The following HS3ST4 variants were observed in gnomAD, a reference collection of about 807,000 sequenced individuals.
The protein encoded by HS3ST4 is heparan sulfate glucosamine 3-O-sulfotransferase 4.
In HS3ST4, 17 loss-of-function variants were observed where a neutral mutation model predicts 29.2. That is an observed-to-expected ratio of 0.58 (90% CI 0.40 to 0.87). HS3ST4 has a LOEUF of 0.87. Ranked by LOEUF, HS3ST4 falls within the 40% of genes least tolerant of loss-of-function variation. The pLI, the probability that HS3ST4 is intolerant of heterozygous loss-of-function variation, is 0.00. For synonymous variants in HS3ST4, 314 were observed against 285.7 expected (o/e 1.10, Z -1.00); for missense variants, 627 against 634.5 (o/e 0.99, Z 0.13).
At chr16:26,015,779 G>A (rs986345585) in intron 1 of HS3ST4, among the ~76,000 whole-genome samples, 1 of 152,186 alleles carries the variant, frequency 6.6e-6, no homozygotes, top group Non-Finnish European at 1.5e-5. Flanking sequence ...CAGAAGAAAA[G>A]TTAGGCCTCC....
At chr16:25,875,262 G>A (rs1180040322) in intron 1 of HS3ST4, among the ~76,000 whole-genome samples, 2 of 152,128 alleles carry the variant, frequency 1.3e-5, no homozygotes, top group African/African-American at 4.8e-5. Flanking sequence ...TGTGAGCCCG[G>A]TGGTACTAGG....
chr16:26,080,219 A>G (rs1015837858), intron 1 of HS3ST4, among the ~76,000 whole-genome samples: 1 of 152,056 alleles, frequency 6.6e-6, no homozygotes, highest in Non-Finnish European at 1.5e-5. Flanking sequence ...TCCCTCACCA[A>G]CCAACACTTT....
chr16:25,770,415 G>A (rs972136290), intron 1 of HS3ST4, among the ~76,000 whole-genome samples: 1 of 152,108 alleles, frequency 6.6e-6, no homozygotes, highest in African/African-American at 2.4e-5. Context: ...TAGGAATTTG[G>A]TTCTATTATC....
At chr16:25,715,182 C>T (rs9924811) in intron 1 of HS3ST4, among the ~76,000 whole-genome samples, 86,932 of 151,352 alleles carry the variant, frequency 0.57, 26,275 homozygotes, top group Admixed American at 0.68. Context: ...ATTAGCCGGG[C>T]GCGGTGGCGG....
chr16:26,037,329 C>T (rs1425933566), intron 1 of HS3ST4, among the ~76,000 whole-genome samples: 1 of 152,204 alleles, frequency 6.6e-6, no homozygotes, highest in Admixed American at 6.5e-5. Flanking sequence ...GACTTCTCTG[C>T]CCAAGTTGCC....
In HS3ST4 at chr16:25,705,826, A is replaced by G. The variant is rs147347685; in HGVS notation, c.734+12675A>G. Among the ~76,000 whole-genome samples the G allele has an allele frequency of 1.5e-3, 223 of 152,320 alleles. 1 individual carries two copies. In the Middle Eastern group the frequency reaches 0.02, roughly 14 times the overall value. On this transcript the variant is annotated intron_variant, in intron 1 of 1. Transcript: ENST00000331351. ...TTGTTTTCTCATCTCTAAAATGGGA[A>G]TAACAACCTCTACTAACTCCACAGT... is the stretch of plus-strand genomic sequence containing the variant.
chr16:26,110,520 C>G (rs1899115012), intron 1 of HS3ST4, among the ~76,000 whole-genome samples: 1 of 152,140 alleles, frequency 6.6e-6, no homozygotes, highest in Non-Finnish European at 1.5e-5. Flanking sequence ...TTGGAGTTAC[C>G]CTGACATCCC....
At chr16:25,707,769 C>T (rs1966385521) in intron 1 of HS3ST4, among the ~76,000 whole-genome samples, 2 of 152,192 alleles carry the variant, frequency 1.3e-5, no homozygotes, top group African/African-American at 4.8e-5. Flanking sequence ...TCAAACATGG[C>T]CCTGCCCCAG....
intron 1 of HS3ST4, among the ~76,000 whole-genome samples, chr16:26,051,447 C>G (rs991593053): frequency 2.0e-5 from 3 of 151,080 alleles, no homozygotes; most frequent in Non-Finnish European, 4.4e-5. Context: ...TTTTTTTTTT[C>G]ACAAATTGTC....
At chr16:25,825,417 T>C (rs946257120) in intron 1 of HS3ST4, 12 of 152,192 alleles carry the variant, frequency 7.9e-5, no homozygotes, top group African/African-American at 2.9e-4. Flanking sequence ...TGGTTTGTGA[T>C]GGTGATGGTG....
chr16:26,119,975 G>C (rs534346721), intron 1 of HS3ST4, among the ~76,000 whole-genome samples: 1 of 152,110 alleles, frequency 6.6e-6, no homozygotes, highest in Non-Finnish European at 1.5e-5. Flanking sequence ...TGGGGTGGGG[G>C]ATTGCTAGAT....
At chr16:26,029,002 A>C (rs950964596) in intron 1 of HS3ST4, 1 of 152,300 alleles carries the variant, frequency 6.6e-6, no homozygotes, top group African/African-American at 2.4e-5. Context: ...GGATGGGAGA[A>C]TATGGGTTTT....
intron 1 of HS3ST4, among the ~76,000 whole-genome samples, chr16:26,121,058 A>T (rs6497925): frequency 6.6e-6 from 1 of 151,964 alleles, no homozygotes; most frequent in South Asian, 2.1e-4. Context: ...GATCTTGCTC[A>T]TGATTGGAAT....
chr16:25,843,801 C>G (rs1332224323), intron 1 of HS3ST4, among the ~76,000 whole-genome samples: 2 of 152,214 alleles, frequency 1.3e-5, no homozygotes, highest in African/African-American at 4.8e-5. Context: ...GATTCTCTTA[C>G]TATCATGCAA....
At chr16:26,057,070 C>G (rs1292237792) in intron 1 of HS3ST4, among the ~76,000 whole-genome samples, 1 of 152,162 alleles carries the variant, frequency 6.6e-6, no homozygotes, top group Admixed American at 6.5e-5. Flanking sequence ...AAAGGAAGTG[C>G]TCATTAGAGC....
rs1227775328 is a variant in HS3ST4, at chr16:25,692,197, C to A, written c.-221C>A. The stretch of plus-strand genomic sequence containing the variant: ...GGGGGGGCCACCCGGACTCGGCGGG[C>A]AGCGTGGGGCGGGGGGCCATGCGGC... On this transcript the variant is annotated 5_prime_UTR_variant, in exon 1 of 2. Transcript: ENST00000331351. 1.3e-5 allele frequency: 2 copies of A among 149,010 alleles called. No individual in the cohort carries two copies. The allele number at this position is 149,010 out of a possible 1,614,324, so 9.2% of individuals were successfully genotyped here.
chr16:25,736,249 A>G (rs979283834), intron 1 of HS3ST4, among the ~76,000 whole-genome samples: 5 of 152,246 alleles, frequency 3.3e-5, no homozygotes, highest in African/African-American at 9.6e-5. Flanking sequence ...TTTTGAGGCT[A>G]TGACCACCCT....
At chr16:25,934,817 C>T (rs1464062961) in intron 1 of HS3ST4, among the ~76,000 whole-genome samples, 3 of 152,084 alleles carry the variant, frequency 2.0e-5, no homozygotes, top group Admixed American at 1.3e-4. Flanking sequence ...ATTTCAGGTT[C>T]ACTGCAAAAT....
intron 1 of HS3ST4, among the ~76,000 whole-genome samples, chr16:25,712,247 C>T (rs937255118): frequency 7.9e-5 from 12 of 152,222 alleles, no homozygotes; most frequent in African/African-American, 2.2e-4. Context: ...AAAGGCCAGG[C>T]GCGGTGGCTC....
Sources: allele counts gnomAD v4.1 joint callset (sites outside exome capture counted in the v4.1 genomes callset), GRCh38; gene constraint gnomAD v4.1.1; transcripts MANE v1.5; gene names NCBI Gene and HGNC (gene_info 2026-07-23, HGNC 2026-07-21).